Variants in FBXL2 observed in about 807,000 individuals in gnomAD.
FBXL2 encodes F-box and leucine rich repeat protein 2.
FBXL2 carries 38 observed loss-of-function variants against 69.2 expected under a neutral mutation model. The ratio of observed to expected loss-of-function variants is 0.55; its 90% CI spans 0.42 to 0.72. The LOEUF is 0.72. FBXL2 is among the 30% of genes least tolerant of loss of function. The pLI is 0.00. For synonymous variants in FBXL2, 192 were observed against 201.3 expected, an observed-to-expected ratio of 0.95 and a Z score of 0.39; for missense variants, 354 against 520.3, an observed-to-expected ratio of 0.68 and a Z score of 3.11.
intron 1 of FBXL2, among the ~76,000 whole-genome samples, chr3:33,288,709 A>G (rs1429506106): frequency 6.6e-6 from 1 of 152,208 alleles, no homozygotes; most frequent in African/African-American, 2.4e-5. Context: ...GTAGTGTGGT[A>G]GGAAGTAAGA....
rs770042451 is a variant in FBXL2, at chr3:33,383,972, A to G, written c.952-17A>G. On this transcript the variant is annotated splice_polypyrimidine_tract_variant and intron_variant, in intron 13 of 14. Coordinates refer to ENST00000484457, the MANE Select transcript of FBXL2 (RefSeq NM_012157.5). ...ATAAGGGTCCTGCAAACATTTACTCATGTCTTCCTGTTCCAGAGCCTGTCC... is the reference window on the plus strand; with the variant it reads ...ATAAGGGTCCTGCAAACATTTACTCGTGTCTTCCTGTTCCAGAGCCTGTCC... 3 of 1,612,186 alleles carry G rather than the reference A, an allele frequency of 1.9e-6. No individual in the cohort carries two copies. The highest frequency in any genetic ancestry group is 2.2e-5 in the South Asian group (2 of 91,020).
At chr3:33,380,382 C>T (rs1043923797) in intron 13 of FBXL2, among the ~76,000 whole-genome samples, 2 of 151,572 alleles carry the variant, frequency 1.3e-5, no homozygotes, top group African/African-American at 4.9e-5. Context: ...CATGGAGAAA[C>T]CCTGTCTCTA....
chr3:33,332,561 G>A (rs910140706), intron 2 of FBXL2, among the ~76,000 whole-genome samples: 1 of 152,240 alleles, frequency 6.6e-6, no homozygotes, highest in Non-Finnish European at 1.5e-5. Context: ...ACTAATTGTG[G>A]TATAGTCATG....
At chr3:33,420,329 T>C in the FBXL2 span, among the ~76,000 whole-genome samples, 1 of 152,162 alleles carries the variant, frequency 6.6e-6, no homozygotes, top group Non-Finnish European at 1.5e-5. Context: ...TTATTAACAT[T>C]CTTTTTTCTT....
intron 11 of FBXL2, 152 bp from the exon 12 acceptor site, chr3:33,377,951 T>C (rs952794776): frequency 4.1e-6 from 3 of 727,362 alleles, no homozygotes; most frequent in South Asian, 3.3e-5. Context: ...TGTTCAGAAG[T>C]GCTGGTTTAC....
At chr3:33,277,382 C>A, upstream of FBXL2, 1 of 1,018,516 alleles carries the variant, frequency 9.8e-7, no homozygotes, top group Non-Finnish European at 1.3e-6. Context: ...CACGTGCTCG[C>A]CGACCACCAA....
intron 1 of FBXL2, among the ~76,000 whole-genome samples, chr3:33,288,012 T>C (rs550397729): frequency 3.5e-4 from 54 of 152,336 alleles, no homozygotes; most frequent in Non-Finnish European, 4.4e-5. Flanking sequence ...GGCTACACTT[T>C]TATTGCTGTT....
At chr3:33,388,859 T>C (rs1237829887), downstream of FBXL2, 1 of 152,252 alleles carries the variant, frequency 6.6e-6, no homozygotes, top group African/African-American at 2.4e-5. Flanking sequence ...CTCACTGAAG[T>C]AGTTTGTCTT....
chr3:33,337,272 C>T (rs2039665093), intron 2 of FBXL2, among the ~76,000 whole-genome samples: 1 of 152,038 alleles, frequency 6.6e-6, no homozygotes, highest in Non-Finnish European at 1.5e-5. Flanking sequence ...TCCTATCCAA[C>T]AAAGTGCTCA....
At chr3:33,414,856 G>A in the FBXL2 span, among the ~76,000 whole-genome samples, 1 of 152,112 alleles carries the variant, frequency 6.6e-6, no homozygotes, top group Non-Finnish European at 1.5e-5. Context: ...TTTAGATACT[G>A]ATGCCTTCAG....
chr3:33,314,919 T>C (rs1207088852), intron 2 of FBXL2, among the ~76,000 whole-genome samples: 1 of 152,250 alleles, frequency 6.6e-6, no homozygotes, highest in Non-Finnish European at 1.5e-5. Flanking sequence ...CCAAGTACCC[T>C]TGTCTGAATT....
At chr3:33,284,066 C>G (rs915045307) in intron 1 of FBXL2, among the ~76,000 whole-genome samples, 5 of 152,130 alleles carry the variant, frequency 3.3e-5, no homozygotes, top group Non-Finnish European at 7.4e-5. Flanking sequence ...CTGCTCTGAT[C>G]TTAGTTATTT....
chr3:33,332,341 A>G (rs2125830125), intron 2 of FBXL2, among the ~76,000 whole-genome samples: 1 of 152,360 alleles, frequency 6.6e-6, no homozygotes, highest in Admixed American at 6.5e-5. Flanking sequence ...CTTTTCCATA[A>G]TGGTACAGCC....
At chr3:33,400,577 G>C (rs898857717) in intron 12 of FBXL2, among the ~76,000 whole-genome samples, 2 of 152,146 alleles carry the variant, frequency 1.3e-5, no homozygotes, top group African/African-American at 2.4e-5. Context: ...GCCAGGCACA[G>C]AAAGACTTAT....
At chr3:33,299,242 G>A (rs889283288) in intron 2 of FBXL2, among the ~76,000 whole-genome samples, 6 of 151,922 alleles carry the variant, frequency 3.9e-5, no homozygotes, top group Non-Finnish European at 7.4e-5. Flanking sequence ...GGGTTTCACT[G>A]TGTTGCCCAG....
At chr3:33,331,894 T>C (rs537576235) in intron 2 of FBXL2, among the ~76,000 whole-genome samples, 1 of 152,106 alleles carries the variant, frequency 6.6e-6, no homozygotes, top group African/African-American at 2.4e-5. Context: ...TACAGAGATA[T>C]AGAAAAGGTT....
chr3:33,312,971 A>C (rs2037343404), intron 2 of FBXL2, among the ~76,000 whole-genome samples: 1 of 151,806 alleles, frequency 6.6e-6, no homozygotes. Context: ...AATGCAAAAA[A>C]TTTGCTGGCA....
At chr3:33,346,989 A>G (rs998193825) in intron 2 of FBXL2, among the ~76,000 whole-genome samples, 1 of 152,146 alleles carries the variant, frequency 6.6e-6, no homozygotes, top group Non-Finnish European at 1.5e-5. Context: ...ATACTCTTGT[A>G]TGTTTAAGTG....
intron 12 of FBXL2, chr3:33,398,259 A>AT (rs975352680): frequency 6.6e-5 from 10 of 152,326 alleles, no homozygotes; most frequent in African/African-American, 2.4e-4. Flanking sequence ...TCATCTTTCT[A>AT]TTTTTTAAAG....
Sources: gnomAD v4.1 joint callset for allele counts (sites outside exome capture counted in the v4.1 genomes callset) on GRCh38, gnomAD v4.1.1 for gene constraint, MANE v1.5 for transcripts, NCBI Gene and HGNC (gene_info 2026-07-23, HGNC 2026-07-21) for gene names.